Variants in ZNRF3 observed in about 807,000 individuals in gnomAD.
The protein encoded by ZNRF3 is E3 ubiquitin-protein ligase ZNRF3.
In ZNRF3, 23 loss-of-function variants were observed where a neutral mutation model predicts 72.5. That is an observed-to-expected ratio of 0.32 (90% CI 0.23 to 0.45). The LOEUF (loss-of-function observed/expected upper bound fraction) is 0.45. Ranked by LOEUF, ZNRF3 falls within the 20% of genes least tolerant of loss-of-function variation. The pLI, the probability that ZNRF3 is intolerant of heterozygous loss-of-function variation, is 1.00. For synonymous variants in ZNRF3, 610 were observed against 545.3 expected, an observed-to-expected ratio of 1.12 and a Z score of -1.65; for missense variants, 1,169 against 1,272.1, an observed-to-expected ratio of 0.92 and a Z score of 1.23.
At chr22:28,901,688 G>C (rs2034107662) in intron 1 of ZNRF3, among the ~76,000 whole-genome samples, 1 of 137,118 alleles carries the variant, frequency 7.3e-6, no homozygotes, top group African/African-American at 2.7e-5. Flanking sequence ...ACTCAGACTA[G>C]AGTGTGTAGT....
chr22:28,950,281 T>C (rs1337422806), intron 1 of ZNRF3, among the ~76,000 whole-genome samples: 1 of 152,220 alleles, frequency 6.6e-6, no homozygotes, highest in Non-Finnish European at 1.5e-5. Context: ...CCCCCTGCCC[T>C]GGGCTTGCAG....
At chr22:28,974,682 C>A (rs1343743036) in intron 1 of ZNRF3, among the ~76,000 whole-genome samples, 1 of 152,188 alleles carries the variant, frequency 6.6e-6, no homozygotes, top group East Asian at 1.9e-4. Context: ...GAGTCTCACT[C>A]TTGTCCAGGC....
chr22:28,960,835 T>G (rs2123803035), intron 1 of ZNRF3, among the ~76,000 whole-genome samples: 1 of 152,216 alleles, frequency 6.6e-6, no homozygotes, highest in Non-Finnish European at 1.5e-5. Context: ...ACTAGTAGGG[T>G]TTCCCAGCCG....
At chr22:28,895,716 C>G (rs1387642836) in intron 1 of ZNRF3, among the ~76,000 whole-genome samples, 1 of 151,882 alleles carries the variant, frequency 6.6e-6, no homozygotes, top group Non-Finnish European at 1.5e-5. Flanking sequence ...AGTGAGGGAA[C>G]TGTGGGCAAG....
intron 1 of ZNRF3, among the ~76,000 whole-genome samples, chr22:28,966,207 A>G (rs1445885449): frequency 6.6e-6 from 1 of 152,228 alleles, no homozygotes; most frequent in Non-Finnish European, 1.5e-5. Flanking sequence ...GGGGAAAAAC[A>G]TTAAAAATGA....
intron 2 of ZNRF3, chr22:29,031,515 T>C (rs1019162681): frequency 7.2e-5 from 66 of 912,730 alleles, no homozygotes; most frequent in Non-Finnish European, 8.4e-5. Flanking sequence ...ATGTCCTGTG[T>C]CATGCAGTGA....
intron 1 of ZNRF3, among the ~76,000 whole-genome samples, chr22:28,925,955 C>A (rs987978626): frequency 6.6e-6 from 1 of 152,196 alleles, no homozygotes; most frequent in African/African-American, 2.4e-5. Flanking sequence ...TCCCCGCTAA[C>A]CAACCCCTAC....
intron 2 of ZNRF3, among the ~76,000 whole-genome samples, chr22:28,995,510 G>A (rs779903767): frequency 6.6e-6 from 1 of 152,196 alleles, no homozygotes; most frequent in African/African-American, 2.4e-5. Flanking sequence ...CAGTGATGGA[G>A]TGTGGTTGGT....
intron 2 of ZNRF3, among the ~76,000 whole-genome samples, chr22:29,016,000 G>C (rs1443235192): frequency 7.7e-6 from 1 of 129,910 alleles, no homozygotes; most frequent in Non-Finnish European, 1.6e-5. Context: ...TGGGCAACAA[G>C]AGTGAAACTG....
chr22:29,048,591 T>A lies in ZNRF3; in HGVS notation c.1015+100T>A. The A allele has an allele frequency of 8.2e-7, 1 of 1,223,466 alleles. No homozygotes were observed. Among genetic ancestry groups the A allele is most frequent in the Non-Finnish European group, 1.2e-6 (1 of 847,518 alleles). 75.8% of individuals were successfully genotyped at this position (1,223,466 alleles called of 1,614,324 possible). A position where few individuals can be genotyped will look rare whatever the true frequency, so the allele number is the denominator to read the frequency against. On this transcript the variant is annotated intron_variant, in intron 7 of 8. Coordinates refer to ENST00000544604, the MANE Select transcript of ZNRF3 (RefSeq NM_001206998.2). The surrounding 1 kb of genome is among the most constrained non-coding windows in gnomAD (Gnocchi z 4.9). ...GGAACACTCAGAACCACCGTGGCACTGCCCTCTGGACTTGGAGGCCTGGCA... is the reference window on the plus strand; with the variant it reads ...GGAACACTCAGAACCACCGTGGCACAGCCCTCTGGACTTGGAGGCCTGGCA...
At chr22:28,913,209 G>T (rs960277152) in intron 1 of ZNRF3, among the ~76,000 whole-genome samples, 2 of 152,232 alleles carry the variant, frequency 1.3e-5, no homozygotes, top group African/African-American at 4.8e-5. Flanking sequence ...GAGGATCTAT[G>T]CTATGCATTA....
At chr22:28,884,981 C>CTAAT (rs148441078) in intron 1 of ZNRF3, among the ~76,000 whole-genome samples, 3,504 of 152,266 alleles carry the variant, frequency 0.023, 91 homozygotes, top group African/African-American at 0.056. Flanking sequence ...AGCCAGCGCA[C>CTAAT]TAATAATGGC....
At chr22:29,033,350 C>CAAAAAAAAAA (rs60310622) in intron 2 of ZNRF3, among the ~76,000 whole-genome samples, 1 of 66,154 alleles carries the variant, frequency 1.5e-5, no homozygotes, top group Non-Finnish European at 2.7e-5. Context: ...GACTCCATCT[C>CAAAAAAAAAA]AAAAAAAAAA....
In ZNRF3 at chr22:29,050,359, A is replaced by C; in HGVS notation, c.2178A>C (p.Gly726=). The change falls in exon 8 of 9, where the codon GGA becomes GGC. Residue 726 remains glycine (G), a synonymous_variant. Coordinates refer to ENST00000544604, the MANE Select transcript of ZNRF3 (RefSeq NM_001206998.2). The part of the protein sequence containing the change: ...PQPSPAGPSA[G]AAGSSTLFLG... ...CCTCCCCAGCCGGGCCTAGCGCCGG[A>C]GCAGCTGGCAGCAGCACCTTGTTCC... is the stretch of plus-strand genomic sequence containing the variant. The C allele has an allele frequency of 6.2e-7, 1 of 1,603,122 alleles. No homozygotes were observed. Among genetic ancestry groups the C allele is most frequent in the Non-Finnish European group, 8.5e-7 (1 of 1,175,340 alleles).
chr22:28,987,900 G>T (rs1343571117), intron 2 of ZNRF3, among the ~76,000 whole-genome samples: 17 of 152,158 alleles, frequency 1.1e-4, no homozygotes, highest in Admixed American at 1.1e-3. Context: ...GAGATGAGAT[G>T]CAAACGCCTC....
chr22:28,957,815 G>T (rs2035286992), intron 1 of ZNRF3, among the ~76,000 whole-genome samples: 1 of 152,154 alleles, frequency 6.6e-6, no homozygotes, highest in South Asian at 2.1e-4. Context: ...GTGATTAGGG[G>T]TGGGAAATAA....
At chr22:28,920,521 T>G (rs1397352181) in intron 1 of ZNRF3, among the ~76,000 whole-genome samples, 2 of 152,186 alleles carry the variant, frequency 1.3e-5, no homozygotes, top group African/African-American at 2.4e-5. Context: ...TCCACCCACC[T>G]CGGCCTCCCA....
Position 29,043,352 on chromosome 22 carries a change from T to C in ZNRF3, c.555T>C (p.Gly185=), listed in dbSNP as rs771042439. The C allele has an allele frequency of 6.2e-7, 1 of 1,613,878 alleles. No homozygotes were observed. The highest frequency in any genetic ancestry group is 8.5e-7 in the Non-Finnish European group (1 of 1,179,972). ...PLKRPVVYVK[G]ADAIKLMNIV... is the part of the protein sequence containing the mutation. ...AGAGGCCGGTGGTGTATGTGAAGGG[T>C]GCAGATGCCATTAAGCTGATGAACA... The change falls in exon 4 of 9, where the codon GGT becomes GGC. Residue 185 remains glycine (G), a synonymous_variant. Coordinates refer to ENST00000544604, the MANE Select transcript of ZNRF3 (RefSeq NM_001206998.2).
intron 1 of ZNRF3, among the ~76,000 whole-genome samples, chr22:28,904,225 T>TGCTA (rs1307435656): frequency 2.6e-5 from 4 of 152,150 alleles, no homozygotes; most frequent in Non-Finnish European, 4.4e-5. Context: ...AGTCCTAAGG[T>TGCTA]GCTATTTTAA....
Sources: gnomAD v4.1 joint callset for allele counts (sites outside exome capture counted in the v4.1 genomes callset) on GRCh38, gnomAD v4.1.1 for gene constraint, Gnocchi (gnomAD v3.1) non-coding constraint, MANE v1.5 for transcripts, NCBI Gene and HGNC (gene_info 2026-07-23, HGNC 2026-07-21) for gene names.